ACACA: variants seen among roughly 807,000 people sequenced by gnomAD.
ACACA encodes acetyl-CoA carboxylase 1.
Under a neutral mutation model 296.1 loss-of-function variants are expected in ACACA, and 103 were observed. That is an observed-to-expected ratio of 0.35 (90% CI 0.30 to 0.41). The LOEUF (loss-of-function observed/expected upper bound fraction) is 0.41. Ranked by LOEUF, ACACA falls within the 10% of genes least tolerant of loss-of-function variation. ACACA has a pLI of 1.00. For synonymous variants in ACACA, 953 were observed against 1,038.6 expected, an observed-to-expected ratio of 0.92 and a Z score of 1.58; for missense variants, 1,554 against 2,989.7, an observed-to-expected ratio of 0.52 and a Z score of 11.20.
At chr17:37,158,369 C>T (rs995905688) in intron 42 of ACACA, among the ~76,000 whole-genome samples, 1 of 152,126 alleles carries the variant, frequency 6.6e-6, no homozygotes, top group Non-Finnish European at 1.5e-5. Context: ...TGGTTCACAC[C>T]TCTAATTCCT....
chr17:37,294,806 G>A (rs972192572), intron 3 of ACACA, among the ~76,000 whole-genome samples: 4 of 152,220 alleles, frequency 2.6e-5, no homozygotes, highest in Admixed American at 6.5e-5. Flanking sequence ...TCCCTGGGCC[G>A]TCCCCCTTTG....
At chr17:37,369,693 A>C (rs1289999690) in intron 1 of ACACA, among the ~76,000 whole-genome samples, 4 of 151,418 alleles carry the variant, frequency 2.6e-5, no homozygotes, top group African/African-American at 9.7e-5. Flanking sequence ...AAGAATCTGG[A>C]TAATACATTC....
intron 29 of ACACA, among the ~76,000 whole-genome samples, chr17:37,214,743 G>A (rs1458440761): frequency 1.3e-5 from 2 of 152,174 alleles, no homozygotes; most frequent in South Asian, 2.1e-4. Flanking sequence ...CTTCTCTTCT[G>A]CCAGATACTT....
At chr17:37,192,061 A>T (rs2077781112) in intron 37 of ACACA, 29 bp downstream of exon 37, 1 of 1,604,976 alleles carries the variant, frequency 6.2e-7, no homozygotes, top group Non-Finnish European at 8.5e-7. Flanking sequence ...TCCCTCAGGG[A>T]TAACATCCCA....
intron 51 of ACACA, 102 bp downstream of exon 51, chr17:37,112,986 G>A: frequency 7.2e-7 from 1 of 1,381,184 alleles, no homozygotes; most frequent in East Asian, 2.4e-5. Flanking sequence ...GGAATCACAG[G>A]ATGTGGGTGC....
intron 1 of ACACA, among the ~76,000 whole-genome samples, chr17:37,361,409 A>G (rs959131368): frequency 3.9e-5 from 6 of 152,024 alleles, no homozygotes; most frequent in Admixed American, 6.6e-5. Context: ...ACCCTCAAAA[A>G]CTGTCCTTAT....
At chr17:37,267,434 C>T (rs967206408) in intron 10 of ACACA, among the ~76,000 whole-genome samples, 12 of 152,220 alleles carry the variant, frequency 7.9e-5, no homozygotes, top group African/African-American at 2.9e-4. Context: ...TGAGGGCTTG[C>T]TCCAAGACAG....
At chr17:37,337,287 G>A (rs2048163767) in intron 2 of ACACA, among the ~76,000 whole-genome samples, 1 of 151,966 alleles carries the variant, frequency 6.6e-6, no homozygotes, top group Admixed American at 6.6e-5. Flanking sequence ...GTGGTGGCAT[G>A]CACCTGTAGT....
chr17:37,264,553 T>C (rs992680056), intron 10 of ACACA, among the ~76,000 whole-genome samples: 3 of 152,202 alleles, frequency 2.0e-5, no homozygotes, highest in Non-Finnish European at 4.4e-5. Flanking sequence ...CTGATAAGCA[T>C]AGATGTGGTT....
chr17:37,190,438 AAAAG>A (rs944021829), intron 38 of ACACA, among the ~76,000 whole-genome samples: 3 of 152,160 alleles, frequency 2.0e-5, no homozygotes, highest in African/African-American at 4.8e-5. Flanking sequence ...AACAAAAAAA[AAAAG>A]AAAGAAAGAA....
chr17:37,249,441 A>G (rs2080874995), intron 16 of ACACA, among the ~76,000 whole-genome samples: 1 of 152,150 alleles, frequency 6.6e-6, no homozygotes, highest in Non-Finnish European at 1.5e-5. Flanking sequence ...ACCATTTTTC[A>G]ATAGTGGCTG....
chr17:37,239,524 C>A (rs1032968649), intron 24 of ACACA, among the ~76,000 whole-genome samples: 1 of 152,140 alleles, frequency 6.6e-6, no homozygotes, highest in African/African-American at 2.4e-5. Flanking sequence ...GTCCCTTTTA[C>A]AAGATTTTAA....
intron 1 of ACACA, among the ~76,000 whole-genome samples, chr17:37,403,061 G>A (rs1450799485): frequency 6.6e-6 from 1 of 152,326 alleles, no homozygotes; most frequent in East Asian, 1.9e-4. Context: ...AAAGACAACA[G>A]TGTCTGTCCT....
At chr17:37,189,895 C>T (rs1448063330) in intron 38 of ACACA, among the ~76,000 whole-genome samples, 1 of 151,998 alleles carries the variant, frequency 6.6e-6, no homozygotes, top group Non-Finnish European at 1.5e-5. Context: ...CAAAAGTCTA[C>T]CAGGCATGAT....
intron 1 of ACACA, among the ~76,000 whole-genome samples, chr17:37,380,967 A>G (rs2050227193): frequency 6.6e-6 from 1 of 151,672 alleles, no homozygotes; most frequent in South Asian, 2.1e-4. Flanking sequence ...ATTTATAGTG[A>G]AAAGTAAGTC....
At chr17:37,218,584 C>CTCTA (rs1185265242) in intron 29 of ACACA, among the ~76,000 whole-genome samples, 1 of 152,150 alleles carries the variant, frequency 6.6e-6, no homozygotes, top group Admixed American at 6.5e-5. Flanking sequence ...GTCACCTGGA[C>CTCTA]TCTAATCCAA....
At chr17:37,256,854 A>G (rs946789516) in intron 14 of ACACA, among the ~76,000 whole-genome samples, 2 of 152,212 alleles carry the variant, frequency 1.3e-5, no homozygotes, top group African/African-American at 4.8e-5. Flanking sequence ...TTAGTAATTA[A>G]TACTAATAAA....
chr17:37,176,084 G>A (rs1188361973), intron 41 of ACACA, among the ~76,000 whole-genome samples: 1 of 152,024 alleles, frequency 6.6e-6, no homozygotes, highest in Non-Finnish European at 1.5e-5. Flanking sequence ...CCTATTTACT[G>A]TCCTGGAAAA....
At chr17:37,194,720 G>A (rs2077911745) in intron 35 of ACACA, among the ~76,000 whole-genome samples, 1 of 152,176 alleles carries the variant, frequency 6.6e-6, no homozygotes, top group Non-Finnish European at 1.5e-5. Context: ...CGTTCCATAA[G>A]TGTTACACCT....
Sources: allele counts gnomAD v4.1 joint callset (sites outside exome capture counted in the v4.1 genomes callset), GRCh38; gene constraint gnomAD v4.1.1; transcripts MANE v1.5; gene names NCBI Gene and HGNC (gene_info 2026-07-23, HGNC 2026-07-21).